Variants in TRPM2 observed in about 807,000 individuals in gnomAD.
TRPM2 encodes transient receptor potential cation channel subfamily M member 2.
In TRPM2, 161 loss-of-function variants were observed where a neutral mutation model predicts 174.0. The ratio of observed to expected loss-of-function variants is 0.93; its 90% CI spans 0.81 to 1.05. TRPM2 has a LOEUF of 1.05. Among genes scored for constraint, TRPM2 ranks in the 50% least tolerant of loss-of-function variants. TRPM2 has a pLI of 0.00. For synonymous variants in TRPM2, 954 were observed against 861.3 expected (o/e 1.11, Z -1.88); for missense variants, 2,057 against 2,038.0 (o/e 1.01, Z -0.18).
In TRPM2 at chr21:44,406,692, G is replaced by A. The variant is rs574159634; in HGVS notation, c.2889G>A (p.Val963=). ...TCCTCATCCACAACGAGCGCCGGGT[G>A]GACTGGCTGTTCCGAGGGGCCGTCT... The part of the protein sequence containing the change: ...QAILIHNERR[V]DWLFRGAVYH... The change falls in exon 19 of 32, where the codon GTG becomes GTA. Residue 963 remains valine, a synonymous_variant. Coordinates refer to ENST00000397928, the MANE Select transcript of TRPM2 (RefSeq NM_003307.4). The A allele has an allele frequency of 2.0e-4, 317 of 1,609,990 alleles. 7 individuals carry two copies. In the South Asian group the frequency reaches 3.4e-3, roughly 17 times the overall value.
intron 2 of TRPM2, among the ~76,000 whole-genome samples, chr21:44,362,775 GTGTTTTTTT>G (rs1569015587): frequency 1.3e-5 from 2 of 151,598 alleles, no homozygotes; most frequent in Admixed American, 1.3e-4. Flanking sequence ...CTTTTCTGAG[GTGTTTTTTT>G]TGTTTTTTTT....
At chr21:44,393,087 C>T (rs1025039363) in intron 11 of TRPM2, among the ~76,000 whole-genome samples, 9 of 152,144 alleles carry the variant, frequency 5.9e-5, no homozygotes, top group Admixed American at 3.9e-4. Context: ...GAACCCTGCC[C>T]TAGTCTCCAC....
chr21:44,429,264 A>AT (rs1569111626), intron 27 of TRPM2, among the ~76,000 whole-genome samples: 1 of 107,344 alleles, frequency 9.3e-6, no homozygotes, highest in Admixed American at 9.4e-5. Context: ...TAATTATAAC[A>AT]TTTTTTTCTT....
At chr21:44,425,224 G>C (rs1314375414) in intron 24 of TRPM2, 1 of 443,922 alleles carries the variant, frequency 2.3e-6, no homozygotes, top group Non-Finnish European at 4.0e-6. Flanking sequence ...TGCAGAGTGG[G>C]GGTGCGAGGC....
intron 16 of TRPM2, among the ~76,000 whole-genome samples, chr21:44,403,619 ACATT>A (rs1479590427): frequency 3.0e-4 from 45 of 151,966 alleles, no homozygotes; most frequent in African/African-American, 8.7e-4. Context: ...ATAGGCACAC[ACATT>A]CATGCATATG....
At position 44,413,958 on chromosome 21, in the gene TRPM2, G is replaced by A; in HGVS notation, c.3030G>A (p.Glu1010=). The A allele has an allele frequency of 1.2e-6, 2 of 1,614,024 alleles. No individual in the cohort carries two copies. The highest frequency in any genetic ancestry group is 1.7e-6 in the Non-Finnish European group (2 of 1,180,024). ...ACCCCTACAAGCCTAAGTGCCCCGA[G>A]AGCGACGCGACGCAGCAGAGGCCGG... The part of the protein sequence containing the change: ...GTDPYKPKCP[E]SDATQQRPAF... The change falls in exon 20 of 32, where the codon GAG becomes GAA. Residue 1010 remains glutamate (E), a synonymous_variant. Coordinates refer to ENST00000397928, the MANE Select transcript of TRPM2 (RefSeq NM_003307.4).
rs553118556 is a variant in TRPM2, at chr21:44,382,431, G to A, written c.1216-287G>A. Among the ~76,000 whole-genome samples, 28 of 152,352 alleles carry A rather than the reference G, an allele frequency of 1.8e-4. No homozygotes were observed. The South Asian group carries it at 4.3e-3, about 24-fold the overall frequency. ...GGAGTGGCCTGGGCTTAGCAGGAGG[G>A]CTAGGAGGAGCAGCCTCGCATGAAG... is the stretch of plus-strand genomic sequence containing the variant. On this transcript the variant is annotated intron_variant, in intron 8 of 31. Coordinates refer to ENST00000397928, the MANE Select transcript of TRPM2 (RefSeq NM_003307.4).
At chr21:44,368,410 T>A (rs2048419172) in intron 4 of TRPM2, among the ~76,000 whole-genome samples, 1 of 141,768 alleles carries the variant, frequency 7.1e-6, no homozygotes, top group Non-Finnish European at 1.5e-5. Context: ...CCTGGCTGAT[T>A]GGCTGTTTTT....
At chr21:44,374,264 G>C (rs959785346) in intron 5 of TRPM2, among the ~76,000 whole-genome samples, 1 of 152,090 alleles carries the variant, frequency 6.6e-6, no homozygotes, top group Middle Eastern at 3.2e-3. Flanking sequence ...GCCCACCTTG[G>C]CCTCCCAAAG....
chr21:44,363,602 C>T (rs2048277076), intron 2 of TRPM2, among the ~76,000 whole-genome samples: 1 of 152,152 alleles, frequency 6.6e-6, no homozygotes, highest in Non-Finnish European at 1.5e-5. Context: ...CTTGTTGAAG[C>T]ATTTCTAATG....
At position 44,400,820 on chromosome 21, in the gene TRPM2, CTGGCCA is replaced by C. The variant is rs765473282; in HGVS notation, c.2321+453_2321+458del. The stretch of plus-strand genomic sequence containing the variant: ...TCCCTTATGAAGGAGGAGGACACGG[CTGGCCA>C]TGGTTGAAGACCTGGCCTGGCCTGG... On this transcript the variant is annotated intron_variant, in intron 15 of 31. Transcript: ENST00000397928. Among the ~76,000 whole-genome samples, 154 of 152,360 alleles carry C rather than the reference CTGGCCA, an allele frequency of 1.0e-3. 2 individuals are homozygous for C. Among genetic ancestry groups the C allele is most frequent in the Non-Finnish European group, 8.1e-4 (55 of 68,026 alleles).
intron 22 of TRPM2, 77 bp downstream of exon 22, chr21:44,418,632 A>C (rs1385634127): frequency 1.9e-6 from 3 of 1,564,162 alleles, no homozygotes; most frequent in Admixed American, 1.7e-5. Flanking sequence ...CCATGAGTAC[A>C]TGTCCCACCT....
At chr21:44,384,603 G>A (rs895613566) in intron 9 of TRPM2, among the ~76,000 whole-genome samples, 1 of 152,096 alleles carries the variant, frequency 6.6e-6, no homozygotes, top group African/African-American at 2.4e-5. Context: ...CCCTGTAATG[G>A]ATCACCTCTA....
At chr21:44,422,460 T>C in intron 22 of TRPM2, 3 of 1,532,580 alleles carry the variant, frequency 2.0e-6, no homozygotes, top group African/African-American at 1.4e-5. Flanking sequence ...CAAAATGAAA[T>C]GTGGGTGAAA....
intron 1 of TRPM2, 38 bp downstream of exon 1, chr21:44,353,903 G>T: frequency 6.3e-7 from 1 of 1,582,784 alleles, no homozygotes; most frequent in Admixed American, 1.9e-5. Flanking sequence ...TTGGCACGTG[G>T]CCACGGAGGT....
At chr21:44,360,370 C>T (rs539263738) in intron 2 of TRPM2, among the ~76,000 whole-genome samples, 2 of 152,192 alleles carry the variant, frequency 1.3e-5, no homozygotes, top group South Asian at 4.1e-4. Flanking sequence ...GAGGTGCTAG[C>T]CCCATGTCGT....
chr21:44,366,643 G>A lies in TRPM2; in HGVS notation c.424-111G>A, dbSNP rs1309020313. 4.1e-6 allele frequency: 6 copies of A among 1,446,608 alleles called. No homozygotes were observed. Among genetic ancestry groups the A allele is most frequent in the African/African-American group, 2.8e-5 (2 of 71,154 alleles). 89.6% of individuals were successfully genotyped at this position (1,446,608 alleles called of 1,614,324 possible). A position where few individuals can be genotyped will look rare whatever the true frequency, so the allele number is the denominator to read the frequency against. ...CCCTTTTCTGGGTCTGAGCCGGAAA[G>A]GTGTGCGGTGTCTGCCGCCCGCTGG... On this transcript the variant is annotated intron_variant, in intron 3 of 31. Coordinates refer to ENST00000397928, the MANE Select transcript of TRPM2 (RefSeq NM_003307.4). The surrounding 1 kb of genome is among the most constrained non-coding windows in gnomAD (Gnocchi z 6.0).
chr21:44,391,591 GGCTCCTGCTGCCC>G lies in TRPM2; in HGVS notation c.1762_1774del (p.Leu588PhefsTer11). The G allele has an allele frequency of 6.3e-7, 1 of 1,587,376 alleles. No homozygotes were observed. The highest frequency in any genetic ancestry group is 8.5e-7 in the Non-Finnish European group (1 of 1,173,370). On this transcript the variant is annotated frameshift_variant, in exon 11 of 32. Coordinates refer to ENST00000397928, the MANE Select transcript of TRPM2 (RefSeq NM_003307.4). LOFTEE classifies it high-confidence loss of function. This position sits in a 1 kb window ranked among gnomAD's most constrained non-coding sequence, Gnocchi z 5.0. ...CGGCCCCGGCACAACGACCGGCTGC[GGCTCCTGCTGCCC>G]GTTCCCCACGTCAAGCTCAACGTGC... is the stretch of plus-strand genomic sequence containing the variant.
chr21:44,370,087 C>A (rs557330267), intron 5 of TRPM2, among the ~76,000 whole-genome samples: 1 of 152,172 alleles, frequency 6.6e-6, no homozygotes, highest in East Asian at 1.9e-4. Flanking sequence ...CAGGTGACCC[C>A]GGACAAACGG....
Sources: gnomAD v4.1 joint callset for allele counts (sites outside exome capture counted in the v4.1 genomes callset) on GRCh38, gnomAD v4.1.1 for gene constraint, Gnocchi (gnomAD v3.1) non-coding constraint, MANE v1.5 for transcripts, NCBI Gene and HGNC (gene_info 2026-07-23, HGNC 2026-07-21) for gene names.